Variants in WDR72 observed in about 807,000 individuals in gnomAD.
WDR72 encodes the protein WD repeat domain 72.
WDR72 carries 120 observed loss-of-function variants against 124.2 expected under a neutral mutation model. The observed-to-expected ratio is 0.97, with a 90% CI of 0.83 to 1.12. WDR72 has a LOEUF of 1.12. Among genes scored for constraint, WDR72 ranks in the 50% most tolerant of loss-of-function variants. The pLI is 0.00. For synonymous variants in WDR72, 452 were observed against 441.7 expected (o/e 1.02, Z -0.29); for missense variants, 1,387 against 1,278.8 (o/e 1.08, Z -1.29).
rs185777874 is a variant in WDR72 at position 53,668,606 on chromosome 15, A to G, written c.1766-2838T>C. On this transcript the variant is annotated intron_variant, in intron 13 of 19. Transcript: ENST00000360509. The stretch of plus-strand genomic sequence containing the variant: ...GTGCTGGAAACACCTAGTAGAAGAA[A>G]GGGTTAAGGCCAGGTATAATAGCTC... Among the ~76,000 whole-genome samples, 39 of 152,256 alleles carry G rather than the reference A, an allele frequency of 2.6e-4. No individual in the cohort carries two copies. The East Asian group carries it at 5.8e-3, about 23-fold the overall frequency.
At chr15:53,592,243 G>A (rs1027074483) in intron 18 of WDR72, among the ~76,000 whole-genome samples, 1 of 151,984 alleles carries the variant, frequency 6.6e-6, no homozygotes, top group Admixed American at 6.6e-5. Context: ...GTACCACACA[G>A]GCCTTTCCTA....
chr15:53,675,816 G>C (rs549807591), intron 13 of WDR72, among the ~76,000 whole-genome samples: 1 of 152,140 alleles, frequency 6.6e-6, no homozygotes, highest in Non-Finnish European at 1.5e-5. Context: ...TTGGGGTATG[G>C]TCTCTTGAAT....
chr15:53,536,136 G>A (rs781357115), intron 18 of WDR72, among the ~76,000 whole-genome samples: 30 of 152,254 alleles, frequency 2.0e-4, no homozygotes, highest in African/African-American at 4.6e-4. Flanking sequence ...AGCATTAAGC[G>A]TGTCTGCTTT....
chr15:53,516,688 TCAC>T lies in WDR72; in HGVS notation c.*1008_*1010del, dbSNP rs1566936078. The T allele has an allele frequency of 3.9e-5, 6 of 152,038 alleles. No individual in the cohort carries two copies. The highest frequency in any genetic ancestry group is 7.4e-5 in the Non-Finnish European group (5 of 67,978). The allele number at this position is 152,038 out of a possible 1,614,324, so 9.4% of individuals were successfully genotyped here. On this transcript the variant is annotated 3_prime_UTR_variant, in exon 20 of 20. Coordinates refer to ENST00000360509, the MANE Select transcript of WDR72 (RefSeq NM_182758.4). The stretch of plus-strand genomic sequence containing the variant: ...ATAGATAGATAGATATAGCTATATA[TCAC>T]ATATTTAATACTTTATATCCTTTTT...
At position 53,615,917 on chromosome 15, in the gene WDR72, A is replaced by G; in HGVS notation, c.2289T>C (p.Asn763=). Residue 763 remains asparagine, a synonymous_variant, in exon 15 of 20, where the codon AAT becomes AAC. Coordinates refer to ENST00000360509, the MANE Select transcript of WDR72 (RefSeq NM_182758.4). ...TTTTCTTCTGCCTTTTAATGCCATC[A>G]TTTTCTTCTGAGAATTTGATGGTAT... The part of the protein sequence containing the change: ...GDNTIKFSEE[N]DGIKRQKKMK... 6.2e-7 allele frequency: 1 copy of G among 1,613,256 alleles called. No homozygotes were observed. Among genetic ancestry groups the G allele is most frequent in the South Asian group, 1.1e-5 (1 of 91,060 alleles).
intron 14 of WDR72, among the ~76,000 whole-genome samples, chr15:53,621,635 CA>C (rs1317359657): frequency 6.6e-6 from 1 of 151,688 alleles, no homozygotes; most frequent in Non-Finnish European, 1.5e-5. Flanking sequence ...TTTGGGGACA[CA>C]GGGGGAAAAG....
Position 53,631,112 on chromosome 15 carries a change from G to A in WDR72, c.1963-14869C>T, listed in dbSNP as rs559800442. Among the ~76,000 whole-genome samples, 8 of 152,314 alleles carry A rather than the reference G, an allele frequency of 5.3e-5. No homozygotes were observed. The East Asian group carries it at 1.2e-3, about 22-fold the overall frequency. The stretch of plus-strand genomic sequence containing the variant: ...TATAATCCCCAATGCTGGAGGTGGT[G>A]CCTGGTGAGAACTGATTGGATCACG... On this transcript the variant is annotated intron_variant, in intron 14 of 19. Coordinates refer to ENST00000360509, the MANE Select transcript of WDR72 (RefSeq NM_182758.4).
chr15:53,702,594 C>T (rs1324134568), intron 11 of WDR72, among the ~76,000 whole-genome samples: 1 of 152,050 alleles, frequency 6.6e-6, no homozygotes, highest in East Asian at 1.9e-4. Flanking sequence ...AATTCTAGGC[C>T]AGGCATGGTG....
chr15:53,541,415 G>C (rs1173771618), intron 18 of WDR72, among the ~76,000 whole-genome samples: 1 of 151,628 alleles, frequency 6.6e-6, no homozygotes, highest in Admixed American at 6.6e-5. Context: ...TATTCCAACA[G>C]ACCTGCAGCT....
chr15:53,601,692 T>C (rs1304231473), intron 17 of WDR72, among the ~76,000 whole-genome samples: 1 of 152,162 alleles, frequency 6.6e-6, no homozygotes, highest in Non-Finnish European at 1.5e-5. Flanking sequence ...GTTGCAATCC[T>C]AGTTTCTGAC....
chr15:53,559,250 GA>G (rs1894045305), intron 18 of WDR72, among the ~76,000 whole-genome samples: 1 of 151,858 alleles, frequency 6.6e-6, no homozygotes, highest in Non-Finnish European at 1.5e-5. Context: ...CTAGAAAGAA[GA>G]AAGAGTCCTC....
chr15:53,702,526 A>C (rs2017215790), intron 11 of WDR72, among the ~76,000 whole-genome samples, 172 bp from the exon 12 acceptor site: 1 of 152,236 alleles, frequency 6.6e-6, no homozygotes. Context: ...CAAGTGCCTC[A>C]CCAGAAGCCA....
intron 14 of WDR72, among the ~76,000 whole-genome samples, chr15:53,628,468 C>T (rs146459019): frequency 9.2e-5 from 14 of 152,040 alleles, no homozygotes; most frequent in Admixed American, 3.3e-4. Context: ...AATGATTAGC[C>T]GGCATCATAA....
chr15:53,662,915 T>A lies in WDR72; in HGVS notation c.1962+2657A>T, dbSNP rs560007123. ...TCTTGCCTGTAATAGAAAAACTTTTTAAATTTAGCCAGGTATGGTGTTGTG... is the reference window on the plus strand; with the variant it reads ...TCTTGCCTGTAATAGAAAAACTTTTAAAATTTAGCCAGGTATGGTGTTGTG... On this transcript the variant is annotated intron_variant, in intron 14 of 19. Coordinates refer to ENST00000360509, the MANE Select transcript of WDR72 (RefSeq NM_182758.4). 1.1e-4 allele frequency among the ~76,000 whole-genome samples: 16 copies of A among 151,810 alleles called. No homozygotes were observed. The South Asian group carries it at 3.1e-3, about 30-fold the overall frequency.
chr15:53,666,487 A>G (rs1158649828), intron 13 of WDR72, among the ~76,000 whole-genome samples: 1 of 152,194 alleles, frequency 6.6e-6, no homozygotes, highest in Non-Finnish European at 1.5e-5. Flanking sequence ...TATAAAATAC[A>G]ATGCCATACA....
At chr15:53,640,847 ACCTTTT>A (rs2014819177) in intron 14 of WDR72, among the ~76,000 whole-genome samples, 1 of 151,938 alleles carries the variant, frequency 6.6e-6, no homozygotes, top group Non-Finnish European at 1.5e-5. Flanking sequence ...TTTACTATTT[ACCTTTT>A]CCTTTTCAAT....
chr15:53,665,306 T>C (rs551301909), intron 14 of WDR72, among the ~76,000 whole-genome samples: 1 of 152,188 alleles, frequency 6.6e-6, no homozygotes, highest in East Asian at 1.9e-4. Context: ...CCCTTCCTTA[T>C]GTTAAATCAC....
chr15:53,529,165 T>TATATATATATATA (rs1555404361), intron 18 of WDR72, among the ~76,000 whole-genome samples: 77 of 89,042 alleles, frequency 8.6e-4, no homozygotes, highest in African/African-American at 2.5e-3. Context: ...TATATATATA[T>TATATATATATATA]TTTTTTTTTT....
Position 53,514,033 on chromosome 15 carries a change from G to A in WDR72, c.*3666C>T, listed in dbSNP as rs934552591. 1 of 152,154 alleles carries A rather than the reference G, an allele frequency of 6.6e-6. No homozygotes were observed. Among genetic ancestry groups the A allele is most frequent in the African/African-American group, 2.4e-5 (1 of 41,456 alleles). The allele number at this position is 152,154 out of a possible 1,614,324, so 9.4% of individuals were successfully genotyped here. A position where few individuals can be genotyped will look rare whatever the true frequency, so the allele number is the denominator to read the frequency against. On this transcript the variant is annotated 3_prime_UTR_variant, in exon 20 of 20. Coordinates refer to ENST00000360509, the MANE Select transcript of WDR72 (RefSeq NM_182758.4). ...CTTCTTGAGCAAACTACAGTGCGAG[G>A]TGATCTGGGGACTATTGTACATGAA...
Sources: gnomAD v4.1 joint callset for allele counts (sites outside exome capture counted in the v4.1 genomes callset) on GRCh38, gnomAD v4.1.1 for gene constraint, MANE v1.5 for transcripts, NCBI Gene and HGNC (gene_info 2026-07-23, HGNC 2026-07-21) for gene names.